PRKCE: variants seen among roughly 807,000 people sequenced by gnomAD.
PRKCE encodes the protein protein kinase C epsilon type.
Under a neutral mutation model 85.4 loss-of-function variants are expected in PRKCE, and 16 were observed. That is an observed-to-expected ratio of 0.19 (90% CI 0.13 to 0.28). The LOEUF (loss-of-function observed/expected upper bound fraction) is 0.28, where lower values mean the gene tolerates loss of function less well. PRKCE is among the 10% of genes least tolerant of loss of function. PRKCE has a pLI of 1.00. For missense variants in PRKCE, 573 were observed against 975.2 expected (o/e 0.59, Z 5.49); for synonymous variants, 388 against 371.5 (o/e 1.04, Z -0.51).
chr2:45,943,898 T>A (rs1700056548), intron 2 of PRKCE, among the ~76,000 whole-genome samples: 1 of 152,012 alleles, frequency 6.6e-6, no homozygotes, highest in South Asian at 2.1e-4. Flanking sequence ...CAACGCAGGA[T>A]TGTTTAAGTT....
chr2:46,187,648 T>G lies in PRKCE; in HGVS notation c.*2767T>G, dbSNP rs1558544227. On this transcript the variant is annotated 3_prime_UTR_variant, in exon 15 of 15. Coordinates refer to ENST00000306156, the MANE Select transcript of PRKCE (RefSeq NM_005400.3). ...GCTGTTCTTCTGTGTTCTCTCATTATGGACTTTGTGAAGTAGAAACATAAT... is the reference window on the plus strand; with the variant it reads ...GCTGTTCTTCTGTGTTCTCTCATTAGGGACTTTGTGAAGTAGAAACATAAT... The G allele has an allele frequency of 6.6e-6, 1 of 152,464 alleles. No individual in the cohort carries two copies. The highest frequency in any genetic ancestry group is 2.4e-5 in the African/African-American group (1 of 41,390). The allele number at this position is 152,464 out of a possible 1,614,324, so 9.4% of individuals were successfully genotyped here.
chr2:45,741,668 C>A (rs1180522513), intron 1 of PRKCE, among the ~76,000 whole-genome samples: 1 of 152,216 alleles, frequency 6.6e-6, no homozygotes, highest in Non-Finnish European at 1.5e-5. Flanking sequence ...TGTGCCCAGG[C>A]TGTAAGGTAC....
intron 10 of PRKCE, among the ~76,000 whole-genome samples, chr2:46,064,592 C>A (rs941608490): frequency 9.9e-5 from 15 of 152,134 alleles, no homozygotes; most frequent in African/African-American, 3.6e-4. Context: ...ATATTATCTC[C>A]TTTGTAGATT....
At position 46,068,598 on chromosome 2, in the gene PRKCE, A is replaced by T. The variant is rs114488214; in HGVS notation, c.1438-17610A>T. 6.6e-6 allele frequency among the ~76,000 whole-genome samples: 1 copy of T among 152,242 alleles called. No homozygotes were observed. Among genetic ancestry groups the T allele is most frequent in the African/African-American group, 2.4e-5 (1 of 41,462 alleles). On this transcript the variant is annotated intron_variant, in intron 10 of 14. Coordinates refer to ENST00000306156, the MANE Select transcript of PRKCE (RefSeq NM_005400.3). This position sits in a 1 kb window ranked among gnomAD's most constrained non-coding sequence, Gnocchi z 4.3. Reference sequence around the variant, plus strand: ...TAAGGCAATGGTAGAAGGTTGTCACATACAGAATAAGATCAATCATCAGAT... The same window carrying T: ...TAAGGCAATGGTAGAAGGTTGTCACTTACAGAATAAGATCAATCATCAGAT...
At chr2:45,966,336 C>G (rs1701728985) in intron 2 of PRKCE, among the ~76,000 whole-genome samples, 1 of 152,194 alleles carries the variant, frequency 6.6e-6, no homozygotes, top group Non-Finnish European at 1.5e-5. Flanking sequence ...GTGTGATGCT[C>G]TGTCACACAT....
intron 2 of PRKCE, among the ~76,000 whole-genome samples, chr2:45,899,928 C>A (rs879014476): frequency 6.6e-6 from 1 of 152,126 alleles, no homozygotes; most frequent in East Asian, 1.9e-4. Context: ...AGAAATAAAT[C>A]TTTCTTCTAC....
intron 1 of PRKCE, among the ~76,000 whole-genome samples, chr2:45,683,174 T>G (rs991671190): frequency 2.0e-5 from 3 of 152,202 alleles, no homozygotes; most frequent in African/African-American, 7.2e-5. Context: ...TAAGTTGATA[T>G]TCCTATCACC....
At chr2:45,772,945 G>A (rs1448246941) in intron 1 of PRKCE, among the ~76,000 whole-genome samples, 1 of 152,174 alleles carries the variant, frequency 6.6e-6, no homozygotes, top group East Asian at 1.9e-4. Flanking sequence ...CGAATGGAGT[G>A]GTGATGGCAG....
In PRKCE at chr2:45,958,732, ATTGTGG is replaced by A. The variant is rs1701150754; in HGVS notation, c.413-17694_413-17689del. On this transcript the variant is annotated intron_variant, in intron 2 of 14. Coordinates refer to ENST00000306156, the MANE Select transcript of PRKCE (RefSeq NM_005400.3). ...TGTGTTAATTCAGGTTTGTCAAGGG[ATTGTGG>A]TTATTGTCTGAAAGACAGAAACACC... Among the ~76,000 whole-genome samples, 3 of 129,014 alleles carry A rather than the reference ATTGTGG, an allele frequency of 2.3e-5. 1 individual carries two copies. Among genetic ancestry groups the A allele is most frequent in the African/African-American group, 8.7e-5 (3 of 34,678 alleles). 84.6% of individuals were successfully genotyped at this position (129,014 alleles called of 152,430 possible).
At chr2:45,927,896 C>T (rs1698750576) in intron 2 of PRKCE, among the ~76,000 whole-genome samples, 1 of 149,720 alleles carries the variant, frequency 6.7e-6, no homozygotes, top group African/African-American at 2.4e-5. Flanking sequence ...GTATGCCTTC[C>T]TAAGTGACTG....
chr2:46,165,738 G>C (rs929076924), intron 14 of PRKCE, among the ~76,000 whole-genome samples: 2 of 152,192 alleles, frequency 1.3e-5, no homozygotes, highest in African/African-American at 4.8e-5. Flanking sequence ...CTTCTCCGCT[G>C]TGTACCCATT....
intron 1 of PRKCE, among the ~76,000 whole-genome samples, chr2:45,659,533 T>C (rs12615707): frequency 0.27 from 40,666 of 152,050 alleles, 6,109 homozygotes; most frequent in Admixed American, 0.34. Flanking sequence ...TCCCTTACCA[T>C]AATTTACAAG....
intron 2 of PRKCE, among the ~76,000 whole-genome samples, chr2:45,975,869 C>T (rs1039458532): frequency 3.3e-5 from 5 of 152,134 alleles, no homozygotes; most frequent in African/African-American, 1.2e-4. Context: ...TCTTGGTTGG[C>T]TTAGTCTAGG....
intron 1 of PRKCE, among the ~76,000 whole-genome samples, chr2:45,757,346 A>G (rs1684099510): frequency 7.1e-6 from 1 of 141,272 alleles, no homozygotes; most frequent in African/African-American, 2.6e-5. Flanking sequence ...TGTTCAATTG[A>G]TTGTGGGTAA....
chr2:45,937,252 T>TGGTGTCCC (rs1699529227), intron 2 of PRKCE, among the ~76,000 whole-genome samples: 1 of 152,268 alleles, frequency 6.6e-6, no homozygotes. Flanking sequence ...CAGAAGCTGT[T>TGGTGTCCC]GGTGTCCCGG....
intron 1 of PRKCE, among the ~76,000 whole-genome samples, chr2:45,752,165 G>A (rs1683629725): frequency 6.6e-6 from 1 of 152,158 alleles, no homozygotes; most frequent in Non-Finnish European, 1.5e-5. Context: ...TGGAATAACT[G>A]ATATGTGTTG....
chr2:46,145,541 C>G lies in PRKCE; in HGVS notation c.1731+310C>G, dbSNP rs901183437. 9.9e-5 allele frequency among the ~76,000 whole-genome samples: 15 copies of G among 152,242 alleles called. No individual in the cohort carries two copies. The highest frequency in any genetic ancestry group is 3.6e-4 in the African/African-American group (15 of 41,542). The stretch of plus-strand genomic sequence containing the variant: ...CCAATAAATCTAGGACCAAGAAAAA[C>G]GTGTTGACTTTTATTATTGTTTTCA... On this transcript the variant is annotated intron_variant, in intron 12 of 14. Coordinates refer to ENST00000306156, the MANE Select transcript of PRKCE (RefSeq NM_005400.3). This position sits in a 1 kb window ranked among gnomAD's most constrained non-coding sequence, Gnocchi z 4.6.
Position 45,869,857 on chromosome 2 carries a change from G to A in PRKCE, c.412+26794G>A, listed in dbSNP as rs1425030545. Among the ~76,000 whole-genome samples, 7 of 151,908 alleles carry A rather than the reference G, an allele frequency of 4.6e-5. No homozygotes were observed. The East Asian group carries it at 5.8e-4, about 13-fold the overall frequency. On this transcript the variant is annotated intron_variant, in intron 2 of 14. Transcript: ENST00000306156. ...CGAGTAGCTGGGACTACAGGTGCAC[G>A]CCACCACGCCCAGCTAATTGTTGTA...
Position 45,984,656 on chromosome 2 carries a change from T to C in PRKCE, c.799T>C (p.Leu267=), listed in dbSNP as rs1191485892. The C allele has an allele frequency of 6.3e-7, 1 of 1,599,662 alleles. No homozygotes were observed. Among genetic ancestry groups the C allele is most frequent in the Admixed American group, 1.7e-5 (1 of 60,010 alleles). The change falls in exon 6 of 15, where the codon TTG becomes CTG. Residue 267 remains leucine (L), a synonymous_variant. Transcript: ENST00000306156. ...DHCGSLLWGL[L]RQGLQCKVCK... The stretch of plus-strand genomic sequence containing the variant: ...CTGTGGGTCCCTGCTCTGGGGACTC[T>C]TGCGGCAGGGTTTGCAGTGTAAAGG...
Sources: allele counts gnomAD v4.1 joint callset (sites outside exome capture counted in the v4.1 genomes callset), GRCh38; gene constraint gnomAD v4.1.1; non-coding constraint Gnocchi (gnomAD v3.1); transcripts MANE v1.5; gene names NCBI Gene and HGNC (gene_info 2026-07-23, HGNC 2026-07-21).